SLCO4C1: variants seen among roughly 807,000 people sequenced by gnomAD.
SLCO4C1 encodes the protein solute carrier organic anion transporter family member 4C1.
A neutral mutation model predicts 72.1 loss-of-function variants in SLCO4C1; 58 were observed. The observed-to-expected ratio is 0.80, with a 90% CI of 0.65 to 1.00. SLCO4C1 has a LOEUF of 1.00. Among genes scored for constraint, SLCO4C1 ranks in the 50% least tolerant of loss-of-function variants. The probability of loss-of-function intolerance (pLI) is 0.00; values close to 1 mark genes in which losing one functional copy is unlikely to be tolerated. For missense variants in SLCO4C1, 898 were observed against 857.9 expected (o/e 1.05, Z -0.58); for synonymous variants, 297 against 312.5 (o/e 0.95, Z 0.52).
At chr5:102,262,629 C>A (rs1748962771) in intron 4 of SLCO4C1, among the ~76,000 whole-genome samples, 1 of 152,048 alleles carries the variant, frequency 6.6e-6, no homozygotes, top group South Asian at 2.1e-4. Context: ...CAAGCCACTC[C>A]TGGCCTCAAG....
chr5:102,257,692 C>A (rs561015911), intron 7 of SLCO4C1, among the ~76,000 whole-genome samples: 1 of 151,014 alleles, frequency 6.6e-6, no homozygotes, highest in East Asian at 1.9e-4. Context: ...AATCTCGGCT[C>A]GCTGCAGTCT....
intron 2 of SLCO4C1, among the ~76,000 whole-genome samples, chr5:102,282,550 A>G (rs1749376744): frequency 6.6e-6 from 1 of 152,024 alleles, no homozygotes; most frequent in Non-Finnish European, 1.5e-5. Flanking sequence ...CATTTATAAA[A>G]TGAAATAATA....
At chr5:102,263,815 A>G (rs1356832555) in intron 3 of SLCO4C1, 35 bp from the exon 4 acceptor site, 1 of 1,503,514 alleles carries the variant, frequency 6.7e-7, no homozygotes, top group Admixed American at 1.8e-5. Flanking sequence ...ATACAGTCAT[A>G]TGTACAACTT....
intron 9 of SLCO4C1, among the ~76,000 whole-genome samples, chr5:102,248,927 G>GA (rs1312396752): frequency 6.6e-6 from 1 of 152,028 alleles, no homozygotes; most frequent in Admixed American, 6.6e-5. Context: ...GTACAGAAAA[G>GA]AAATAACATC....
intron 9 of SLCO4C1, 131 bp downstream of exon 9, chr5:102,249,507 C>A: frequency 1.2e-6 from 1 of 843,528 alleles, no homozygotes; most frequent in Non-Finnish European, 1.9e-6. Flanking sequence ...CAGCTGGAGA[C>A]ATCATGGGCT....
At chr5:102,278,878 A>G (rs1393806653) in intron 2 of SLCO4C1, among the ~76,000 whole-genome samples, 3 of 152,098 alleles carry the variant, frequency 2.0e-5, no homozygotes, top group Admixed American at 6.6e-5. Context: ...ACTAAAATGC[A>G]TACATTAGAA....
chr5:102,295,410 T>G (rs1749630072), intron 1 of SLCO4C1, among the ~76,000 whole-genome samples: 1 of 152,222 alleles, frequency 6.6e-6, no homozygotes, highest in Non-Finnish European at 1.5e-5. Context: ...TGAATGTCTG[T>G]ATCTAATTTA....
At chr5:102,247,097 G>A (rs991247766) in intron 10 of SLCO4C1, among the ~76,000 whole-genome samples, 155 bp downstream of exon 10, 6 of 152,120 alleles carry the variant, frequency 3.9e-5, no homozygotes, top group Non-Finnish European at 7.4e-5. Flanking sequence ...GGGTTCTACA[G>A]AGGAGCTTGT....
intron 10 of SLCO4C1, among the ~76,000 whole-genome samples, chr5:102,244,701 T>C (rs1341642960): frequency 6.6e-6 from 1 of 152,184 alleles, no homozygotes; most frequent in East Asian, 1.9e-4. Context: ...AGCAGACTTT[T>C]CAGTGGAAAC....
chr5:102,241,320 C>T (rs1232121669), intron 10 of SLCO4C1, among the ~76,000 whole-genome samples: 21 of 152,004 alleles, frequency 1.4e-4, no homozygotes, highest in Admixed American at 1.3e-3. Context: ...GTAAGATTAT[C>T]TCTGTGAAGA....
At chr5:102,250,018 G>A (rs534608483) in intron 8 of SLCO4C1, among the ~76,000 whole-genome samples, 7 of 152,222 alleles carry the variant, frequency 4.6e-5, no homozygotes, top group South Asian at 2.1e-4. Flanking sequence ...AAAATAAAAG[G>A]CAGAATAAGT....
rs1748912575 is a variant in SLCO4C1, at chr5:102,260,286, T to TG, written c.1054dup (p.Gln352ProfsTer6). ...TGCATTACTATTACTCTGATGAGCC[T>TG]GGGAAGTTTTTCCAGCTTGAATTTC... On this transcript the variant is annotated frameshift_variant, in exon 6 of 13. Transcript: ENST00000310954. LOFTEE classifies it high-confidence loss of function. The TG allele has an allele frequency of 3.7e-6, 5 of 1,369,186 alleles. No individual in the cohort carries two copies. Among genetic ancestry groups the TG allele is most frequent in the Non-Finnish European group, 4.7e-6 (5 of 1,054,742 alleles). The allele number at this position is 1,369,186 out of a possible 1,614,324, so 84.8% of individuals were successfully genotyped here. A position where few individuals can be genotyped will look rare whatever the true frequency, so the allele number is the denominator to read the frequency against.
At chr5:102,292,912 T>A (rs908564088) in intron 1 of SLCO4C1, among the ~76,000 whole-genome samples, 8 of 151,934 alleles carry the variant, frequency 5.3e-5, no homozygotes, top group African/African-American at 1.9e-4. Context: ...TACTATAAGT[T>A]GAAAATAAAA....
intron 2 of SLCO4C1, among the ~76,000 whole-genome samples, chr5:102,279,348 A>C (rs1749311087): frequency 6.6e-6 from 1 of 152,064 alleles, no homozygotes; most frequent in African/African-American, 2.4e-5. Flanking sequence ...AAGTAATGAC[A>C]AAAATCACAA....
chr5:102,239,165 C>T (rs1197884464), intron 12 of SLCO4C1, 86 bp downstream of exon 12: 1 of 1,251,222 alleles, frequency 8.0e-7, no homozygotes, highest in Non-Finnish European at 1.1e-6. Flanking sequence ...TTTCAAAATA[C>T]CTGTGACCCT....
chr5:102,237,137 G>C (rs956564969), intron 12 of SLCO4C1, 119 bp from the exon 13 acceptor site: 3 of 1,047,380 alleles, frequency 2.9e-6, no homozygotes, highest in Non-Finnish European at 3.9e-6. Context: ...AACCATTATA[G>C]TTCTATGTTT....
intron 10 of SLCO4C1, among the ~76,000 whole-genome samples, chr5:102,244,172 A>G (rs1245620396): frequency 6.6e-6 from 1 of 152,192 alleles, no homozygotes; most frequent in Non-Finnish European, 1.5e-5. Flanking sequence ...TGGGCAACAG[A>G]GCGAGACTCC....
At chr5:102,250,914 G>A (rs1217014824) in intron 8 of SLCO4C1, among the ~76,000 whole-genome samples, 2 of 152,006 alleles carry the variant, frequency 1.3e-5, no homozygotes, top group Non-Finnish European at 2.9e-5. Flanking sequence ...TTGAACCCAC[G>A]AGGCAGACGT....
Position 102,270,689 on chromosome 5 carries a change from AGAG to A in SLCO4C1, c.734_736del (p.Pro245del). 1 of 1,613,370 alleles carries A rather than the reference AGAG, an allele frequency of 6.2e-7. No individual in the cohort carries two copies. Among genetic ancestry groups the A allele is most frequent in the Non-Finnish European group, 8.5e-7 (1 of 1,179,568 alleles). On this transcript the variant is annotated inframe_deletion, in exon 3 of 13. Coordinates refer to ENST00000310954, the MANE Select transcript of SLCO4C1 (RefSeq NM_180991.5). ...AAGAAAGGCTGTTCCCAGAGTATAA[AGAG>A]GAGTTCCTCCTGCCCCCAGCAATAG...
Sources: gnomAD v4.1 joint callset for allele counts (sites outside exome capture counted in the v4.1 genomes callset) on GRCh38, gnomAD v4.1.1 for gene constraint, MANE v1.5 for transcripts, NCBI Gene and HGNC (gene_info 2026-07-23, HGNC 2026-07-21) for gene names.